NRXN3: variants seen among roughly 807,000 people sequenced by gnomAD.
NRXN3 encodes neurexin III.
NRXN3 carries 32 observed loss-of-function variants against 137.6 expected under a neutral mutation model. The ratio of observed to expected loss-of-function variants is 0.23; its 90% CI spans 0.18 to 0.31. The LOEUF (loss-of-function observed/expected upper bound fraction) is 0.31. NRXN3 is among the 10% of genes least tolerant of loss of function. The pLI, the probability that NRXN3 is intolerant of heterozygous loss-of-function variation, is 1.00. For synonymous variants in NRXN3, 798 were observed against 784.5 expected, an observed-to-expected ratio of 1.02 and a Z score of -0.29; for missense variants, 1,574 against 2,062.5, an observed-to-expected ratio of 0.76 and a Z score of 4.59.
intron 20 of NRXN3, chr14:79,853,579 T>C (rs143480050): frequency 2.4e-5 from 33 of 1,351,792 alleles, no homozygotes; most frequent in Middle Eastern, 2.1e-4. Context: ...GTGCCGCCCT[T>C]ACATGGACAT....
At chr14:78,829,133 G>A (rs1596297923) in intron 10 of NRXN3, among the ~76,000 whole-genome samples, 1 of 151,984 alleles carries the variant, frequency 6.6e-6, no homozygotes, top group African/African-American at 2.4e-5. Context: ...GAAGGGAAAG[G>A]GACTGTTATC....
At chr14:79,777,237 A>C (rs2139998578) in intron 19 of NRXN3, among the ~76,000 whole-genome samples, 1 of 152,350 alleles carries the variant, frequency 6.6e-6, no homozygotes, top group South Asian at 2.1e-4. Flanking sequence ...TAGAAAAAGC[A>C]CATGTACTGT....
At chr14:79,491,677 AAG>A (rs376868296) in intron 16 of NRXN3, among the ~76,000 whole-genome samples, 83 of 148,412 alleles carry the variant, frequency 5.6e-4, no homozygotes, top group Admixed American at 6.7e-4. Context: ...GTGTGAGAGA[AAG>A]AGAGAGAGAG....
rs370498282 is a variant in NRXN3, at chr14:78,346,450, C to G, written c.757+48590C>G. ...AGGGAAATGTCAGCTCCGTGTGAATCAAGTCAGCTTCATTGACTCCTTGAA... is the reference window on the plus strand; with the variant it reads ...AGGGAAATGTCAGCTCCGTGTGAATGAAGTCAGCTTCATTGACTCCTTGAA... On this transcript the variant is annotated intron_variant, in intron 4 of 20. Transcript: ENST00000335750. Among the ~76,000 whole-genome samples the G allele has an allele frequency of 3.3e-5, 5 of 152,298 alleles. No homozygotes were observed. The South Asian group carries it at 1.0e-3, about 32-fold the overall frequency.
At chr14:79,834,021 G>A (rs994689311) in intron 20 of NRXN3, among the ~76,000 whole-genome samples, 3 of 152,028 alleles carry the variant, frequency 2.0e-5, no homozygotes, top group South Asian at 2.1e-4. Context: ...ATGAAAGAAC[G>A]TTTGTGTTAC....
At chr14:79,204,538 G>A (rs1307675930) in intron 15 of NRXN3, among the ~76,000 whole-genome samples, 1 of 152,074 alleles carries the variant, frequency 6.6e-6, no homozygotes, top group Non-Finnish European at 1.5e-5. Context: ...CTTGGCATAA[G>A]AAAAATAGCA....
chr14:79,541,260 G>C (rs928890712), intron 16 of NRXN3, among the ~76,000 whole-genome samples: 1 of 152,036 alleles, frequency 6.6e-6, no homozygotes. Context: ...AAAATTAGCC[G>C]GGTGTGGTGG....
chr14:79,615,713 G>C (rs2098146849), intron 16 of NRXN3, among the ~76,000 whole-genome samples: 1 of 152,080 alleles, frequency 6.6e-6, no homozygotes, highest in African/African-American at 2.4e-5. Flanking sequence ...AGAACCATCA[G>C]CTCTCATGAG....
At chr14:78,952,347 A>C (rs1421058582) in intron 10 of NRXN3, among the ~76,000 whole-genome samples, 5 of 152,246 alleles carry the variant, frequency 3.3e-5, no homozygotes, top group Admixed American at 6.5e-5. Context: ...GAAAGCAACC[A>C]GAAGCTGAAA....
At chr14:78,196,335 CTG>C (rs1295050275) in intron 1 of NRXN3, among the ~76,000 whole-genome samples, 2 of 152,194 alleles carry the variant, frequency 1.3e-5, no homozygotes, top group Non-Finnish European at 2.9e-5. Context: ...AAAATAGACA[CTG>C]AGCACCTGTT....
At chr14:79,744,436 A>C (rs916330613) in intron 19 of NRXN3, among the ~76,000 whole-genome samples, 3 of 152,182 alleles carry the variant, frequency 2.0e-5, no homozygotes, top group Admixed American at 6.6e-5. Context: ...AAATGAACTT[A>C]TGTCACATCA....
chr14:79,265,457 A>G (rs1251083425), intron 15 of NRXN3, among the ~76,000 whole-genome samples: 2 of 151,936 alleles, frequency 1.3e-5, no homozygotes, highest in African/African-American at 4.8e-5. Flanking sequence ...ATGGTAGCTA[A>G]AGAAGAGAAA....
chr14:79,781,401 A>C (rs900484656), intron 19 of NRXN3, among the ~76,000 whole-genome samples: 3 of 152,266 alleles, frequency 2.0e-5, no homozygotes, highest in African/African-American at 7.2e-5. Context: ...GACTGCAAGA[A>C]GTCAAGAAAG....
intron 6 of NRXN3, among the ~76,000 whole-genome samples, chr14:78,660,317 T>C: frequency 6.6e-6 from 1 of 151,368 alleles, no homozygotes; most frequent in East Asian, 2.0e-4. Flanking sequence ...CTGATACATG[T>C]TTCTTGATTT....
intron 9 of NRXN3, 30 bp downstream of exon 9, chr14:78,803,853 G>C (rs777612589): frequency 6.3e-7 from 1 of 1,579,676 alleles, no homozygotes; most frequent in Non-Finnish European, 8.7e-7. Flanking sequence ...CTGCCACTTC[G>C]TTTGGGCTTG....
At chr14:78,507,549 TC>T (rs1264969692) in intron 4 of NRXN3, among the ~76,000 whole-genome samples, 1 of 152,190 alleles carries the variant, frequency 6.6e-6, no homozygotes, top group Non-Finnish European at 1.5e-5. Flanking sequence ...TAATTGATCA[TC>T]CACCTTTCTA....
chr14:79,580,540 C>A (rs2097705641), intron 16 of NRXN3, among the ~76,000 whole-genome samples: 2 of 151,604 alleles, frequency 1.3e-5, no homozygotes, highest in African/African-American at 4.9e-5. Context: ...AGGGCTGGGA[C>A]TGCCCATGCA....
intron 10 of NRXN3, among the ~76,000 whole-genome samples, chr14:78,856,791 T>C (rs1245215889): frequency 1.3e-5 from 2 of 152,162 alleles, no homozygotes; most frequent in Non-Finnish European, 1.5e-5. Flanking sequence ...CGGAGTGCAA[T>C]GGTGTGATCT....
At chr14:78,987,308 C>T (rs2099508976) in intron 14 of NRXN3, among the ~76,000 whole-genome samples, 2 of 152,252 alleles carry the variant, frequency 1.3e-5, no homozygotes, top group South Asian at 2.1e-4. Flanking sequence ...CTAAGTTGGA[C>T]ATCAGCATCC....
Sources: gnomAD v4.1 joint callset for allele counts (sites outside exome capture counted in the v4.1 genomes callset) on GRCh38, gnomAD v4.1.1 for gene constraint, MANE v1.5 for transcripts, NCBI Gene and HGNC (gene_info 2026-07-23, HGNC 2026-07-21) for gene names.